The following MAST3 variants were observed in gnomAD, a reference collection of about 807,000 sequenced individuals.
The protein encoded by MAST3 is microtubule associated serine/threonine kinase 3, also known as microtubule-associated serine/threonine-protein kinase 3.
MAST3 carries 43 observed loss-of-function variants against 127.0 expected under a neutral mutation model. The ratio of observed to expected loss-of-function variants is 0.34; its 90% confidence interval spans 0.27 to 0.44. The LOEUF (loss-of-function observed/expected upper bound fraction) is 0.44, where lower values mean the gene tolerates loss of function less well. MAST3 is among the 20% of genes least tolerant of loss of function. MAST3 has a pLI of 1.00. For missense variants in MAST3, 1,390 were observed against 1,919.1 expected, an observed-to-expected ratio of 0.72 and a Z score of 5.15; for synonymous variants, 785 against 809.2, an observed-to-expected ratio of 0.97 and a Z score of 0.51.
chr19:18,121,091 G>T (rs2039917538), intron 3 of MAST3, among the ~76,000 whole-genome samples: 1 of 152,086 alleles, frequency 6.6e-6, no homozygotes, highest in Admixed American at 6.6e-5. Flanking sequence ...CCTGACCTCA[G>T]GTGATCCGCA....
rs116691254 is a variant in MAST3 at position 18,130,007 on chromosome 19, T to G, written c.1224-487T>G. On this transcript the variant is annotated intron_variant, in intron 13 of 27. Transcript: ENST00000687212. The stretch of plus-strand genomic sequence containing the variant: ...GCTCTCGCCTATAATCCCAGCACTT[T>G]GGGAGCCCGAAGTGGGAGGGTCACT... 4.7e-3 allele frequency among the ~76,000 whole-genome samples: 711 copies of G among 151,464 alleles called. 8 individuals are homozygous for G. Among genetic ancestry groups the G allele is most frequent in the African/African-American group, 0.016 (656 of 41,278 alleles).
chr19:18,104,444 C>T (rs1291181286), intron 1 of MAST3, among the ~76,000 whole-genome samples: 2 of 151,962 alleles, frequency 1.3e-5, no homozygotes, highest in Non-Finnish European at 2.9e-5. Context: ...GGTAACGCCA[C>T]ACCCCCGCGA....
rs193026963 is a variant in MAST3, at chr19:18,124,403, G to A, written c.945+37G>A. Reference sequence around the variant, plus strand: ...TTTCTACGGCCAGCTTGGGGTCCAGGCAGAACTGAGATTGGGACCACAACA... The same window carrying A: ...TTTCTACGGCCAGCTTGGGGTCCAGACAGAACTGAGATTGGGACCACAACA... On this transcript the variant is annotated intron_variant, in intron 10 of 27. Coordinates refer to ENST00000687212, the MANE Select transcript of MAST3 (RefSeq NM_001393504.1). 5.2e-5 allele frequency: 80 copies of A among 1,545,638 alleles called. No homozygotes were observed. In the African/African-American group the frequency reaches 9.1e-4, roughly 18 times the overall value.
At chr19:18,134,336 A>G (rs1483599876) in intron 15 of MAST3, among the ~76,000 whole-genome samples, 1 of 152,218 alleles carries the variant, frequency 6.6e-6, no homozygotes, top group African/African-American at 2.4e-5. Flanking sequence ...GCTTGAGGCC[A>G]GCAATTCAAG....
chr19:18,111,306 G>C (rs1033740495), intron 3 of MAST3, among the ~76,000 whole-genome samples: 15 of 152,084 alleles, frequency 9.9e-5, no homozygotes, highest in African/African-American at 3.6e-4. Context: ...CCAAGCATCA[G>C]GGACAGCTTT....
At chr19:18,140,940 C>T (rs59196476) in intron 20 of MAST3, among the ~76,000 whole-genome samples, 2,048 of 151,342 alleles carry the variant, frequency 0.014, 41 homozygotes, top group African/African-American at 0.047. Flanking sequence ...ATTACAGGTG[C>T]GCGCCACCAC....
At chr19:18,123,512 A>G in intron 7 of MAST3, 68 bp from the exon 8 acceptor site, 3 of 1,467,184 alleles carry the variant, frequency 2.0e-6, no homozygotes, top group Non-Finnish European at 2.7e-6. Flanking sequence ...CCTGGCTCAG[A>G]TCCCCCAACA....
At chr19:18,129,161 C>T (rs117951771) in intron 13 of MAST3, 11,527 of 573,582 alleles carry the variant, frequency 0.02, 282 homozygotes, top group Admixed American at 0.081. Flanking sequence ...ACGAGCCAGG[C>T]CTTTACCTGC....
In MAST3 at chr19:18,128,459, G is replaced by A; in HGVS notation, c.1137+1G>A. On this transcript the variant is annotated splice_donor_variant, in intron 12 of 27. Transcript: ENST00000687212. LOFTEE classifies it high-confidence loss of function. ...GCCCCCAGCACCTGAGTCCCCAGAG[G>A]TGAGTAGCAGAGGCTGGGGGACCCC... is the stretch of plus-strand genomic sequence containing the variant. 1.3e-6 allele frequency: 2 copies of A among 1,554,228 alleles called. No homozygotes were observed. Among genetic ancestry groups the A allele is most frequent in the Non-Finnish European group, 1.7e-6 (2 of 1,148,506 alleles).
intron 8 of MAST3, 121 bp from the exon 9 acceptor site, chr19:18,123,818 C>CCCA: frequency 9.3e-7 from 1 of 1,075,758 alleles, no homozygotes. Flanking sequence ...CACCAGCCCT[C>CCCA]CCACCCGATC....
rs141725155 is a variant in MAST3, at chr19:18,150,160, G to A, written c.*434G>A. On this transcript the variant is annotated 3_prime_UTR_variant, in exon 28 of 28. Coordinates refer to ENST00000687212, the MANE Select transcript of MAST3 (RefSeq NM_001393504.1). ...CACCACTATGCCCAGCTAATTTTTT[G>A]TATTTTTAGTACAGACGGGGTTTCA... The A allele has an allele frequency of 3.7e-3, 678 of 185,086 alleles. 4 individuals are homozygous for A. Among genetic ancestry groups the A allele is most frequent in the African/African-American group, 0.015 (637 of 41,622 alleles). 11.5% of individuals were successfully genotyped at this position (185,086 alleles called of 1,614,324 possible). A position where few individuals can be genotyped will look rare whatever the true frequency, so the allele number is the denominator to read the frequency against.
chr19:18,140,043 T>A (rs2042290630), intron 20 of MAST3, among the ~76,000 whole-genome samples: 1 of 150,334 alleles, frequency 6.7e-6, no homozygotes. Context: ...ATGGTCTCGA[T>A]CTCCTGACCT....
At position 18,110,172 on chromosome 19, in the gene MAST3, C is replaced by A; in HGVS notation, c.72-480C>A. The A allele has an allele frequency of 1.0e-6, 1 of 985,444 alleles. No individual in the cohort carries two copies. The highest frequency in any genetic ancestry group is 1.2e-6 in the Non-Finnish European group (1 of 829,954). 61.0% of individuals were successfully genotyped at this position (985,444 alleles called of 1,614,324 possible). On this transcript the variant is annotated intron_variant, in intron 2 of 27. Coordinates refer to ENST00000687212, the MANE Select transcript of MAST3 (RefSeq NM_001393504.1). This position sits in a 1 kb window ranked among gnomAD's most constrained non-coding sequence, Gnocchi z 4.3. ...CCAGCCCGGCCCCCAGCGGCCCAGC[C>A]CCCGCGTCTAGTCTGCCGCACCAGC...
At chr19:18,127,209 C>T (rs1294966920) in intron 11 of MAST3, among the ~76,000 whole-genome samples, 1 of 151,842 alleles carries the variant, frequency 6.6e-6, no homozygotes, top group African/African-American at 2.4e-5. Flanking sequence ...ATGATGGCAC[C>T]ACTGCACTCC....
intron 1 of MAST3, among the ~76,000 whole-genome samples, chr19:18,103,163 G>C (rs1392861007): frequency 1.3e-5 from 2 of 152,128 alleles, no homozygotes; most frequent in South Asian, 4.1e-4. Context: ...GTGGTGCCAG[G>C]AGAGTTCTGT....
Position 18,121,895 on chromosome 19 carries a change from C to G in MAST3, c.293C>G (p.Ser98Cys). ...LDSPRNFSAA[S>C]ALNFPFARRA... ...AGTCCTCGGAATTTCTCGGCTGCCT[C>G]TGCCCTAAATTTCCCCTTTGCCCGG... The change falls in exon 5 of 28, where the codon TCT becomes TGT. Residue 98 changes from serine (S) to cysteine (C), a missense_variant. Physicochemically the swap from Ser to Cys is moderately radical, Grantham distance 112. Coordinates refer to ENST00000687212, the MANE Select transcript of MAST3 (RefSeq NM_001393504.1). 2 of 1,614,068 alleles carry G rather than the reference C, an allele frequency of 1.2e-6. No individual in the cohort carries two copies. Among genetic ancestry groups the G allele is most frequent in the Non-Finnish European group, 1.7e-6 (2 of 1,179,906 alleles).
At position 18,144,782 on chromosome 19, in the gene MAST3, G is replaced by T; in HGVS notation, c.2812+89G>T. 7.1e-7 allele frequency: 1 copy of T among 1,412,672 alleles called. No homozygotes were observed. Among genetic ancestry groups the T allele is most frequent in the Non-Finnish European group, 9.8e-7 (1 of 1,015,326 alleles). The allele number at this position is 1,412,672 out of a possible 1,614,324, so 87.5% of individuals were successfully genotyped here. A position where few individuals can be genotyped will look rare whatever the true frequency, so the allele number is the denominator to read the frequency against. The stretch of plus-strand genomic sequence containing the variant: ...CCCTTCCTGAGTTGGGGAGGCTGGG[G>T]ATGAGCCCCAGAAGAGGGGAGGAGG... On this transcript the variant is annotated intron_variant, in intron 23 of 27. Coordinates refer to ENST00000687212, the MANE Select transcript of MAST3 (RefSeq NM_001393504.1). The surrounding 1 kb of genome is among the most constrained non-coding windows in gnomAD (Gnocchi z 4.0).
chr19:18,109,903 G>C, intron 2 of MAST3: 1 of 977,272 alleles, frequency 1.0e-6, no homozygotes, highest in Non-Finnish European at 1.2e-6. Context: ...GCCGGGGCGA[G>C]GGCAGAGGCC....
chr19:18,147,751 G>A lies in MAST3; in HGVS notation c.3508+127G>A, dbSNP rs141035280. ...TAGGGAAAAAGATGACCGGGATCCT[G>A]GTGTCTAGCAGGGAACCTGGGAGTA... On this transcript the variant is annotated intron_variant, in intron 27 of 27. Coordinates refer to ENST00000687212, the MANE Select transcript of MAST3 (RefSeq NM_001393504.1). The A allele has an allele frequency of 8.5e-4, 618 of 726,128 alleles. 3 individuals are homozygous for A. The African/African-American group carries it at 8.6e-3, about 10-fold the overall frequency. 45.0% of individuals were successfully genotyped at this position (726,128 alleles called of 1,614,324 possible). A position where few individuals can be genotyped will look rare whatever the true frequency, so the allele number is the denominator to read the frequency against.
Sources: gnomAD v4.1 joint callset for allele counts (sites outside exome capture counted in the v4.1 genomes callset) on GRCh38, gnomAD v4.1.1 for gene constraint, Gnocchi (gnomAD v3.1) non-coding constraint, MANE v1.5 for transcripts, NCBI Gene and HGNC (gene_info 2026-07-23, HGNC 2026-07-21) for gene names.